Variants in CTDP1 observed in about 807,000 individuals in gnomAD.
CTDP1 encodes the protein CTD phosphatase 1.
In CTDP1, 47 loss-of-function variants were observed where a neutral mutation model predicts 91.8. The observed-to-expected ratio is 0.51, with a 90% CI of 0.41 to 0.65. CTDP1 has a LOEUF of 0.65. CTDP1 is among the 30% of genes least tolerant of loss of function. The probability of loss-of-function intolerance (pLI) is 0.00; values close to 1 mark genes in which losing one functional copy is unlikely to be tolerated. For synonymous variants in CTDP1, 656 were observed against 598.5 expected (o/e 1.10, Z -1.40); for missense variants, 1,272 against 1,373.7 (o/e 0.93, Z 1.17).
At position 79,714,770 on chromosome 18, in the gene CTDP1, C is replaced by T. The variant is rs767442391; in HGVS notation, c.1310C>T (p.Pro437Leu). 2.1e-5 allele frequency: 33 copies of T among 1,602,166 alleles called. No homozygotes were observed. Among genetic ancestry groups the T allele is most frequent in the African/African-American group, 5.3e-5 (4 of 74,872 alleles). Residue 437 changes from proline (P) to leucine (L), a missense_variant, in exon 8 of 13, where the codon CCG becomes CTG. Coordinates refer to ENST00000613122, the MANE Select transcript of CTDP1 (RefSeq NM_004715.5). ...TGTGCGCAGGGTGGCCGGGTGGCAC[C>T]GGGACAGCGGCCTGCCCAGGGTGCC... ...GSCAQGGRVAPGQRPAQGATG... is the reference protein window; with the variant it reads ...GSCAQGGRVALGQRPAQGATG...
In CTDP1 at chr18:79,679,896, TCTGAGCGCAGCGCAGGCCC is replaced by T; in HGVS notation, c.-50_-32del. ...TGTGTCGCCGCGGTAGGCGCTGCGC[TCTGAGCGCAGCGCAGGCCC>T]CGTACCGACCGCCCGCCCGCCCTCT... is the stretch of plus-strand genomic sequence containing the variant. On this transcript the variant is annotated 5_prime_UTR_variant, in exon 1 of 13. Coordinates refer to ENST00000613122, the MANE Select transcript of CTDP1 (RefSeq NM_004715.5). 7.6e-7 allele frequency: 1 copy of T among 1,318,456 alleles called. No individual in the cohort carries two copies. The highest frequency in any genetic ancestry group is 1.6e-5 in the African/African-American group (1 of 62,490). 81.7% of individuals were successfully genotyped at this position (1,318,456 alleles called of 1,614,324 possible). A position where few individuals can be genotyped will look rare whatever the true frequency, so the allele number is the denominator to read the frequency against.
intron 3 of CTDP1, 32 bp from the exon 4 acceptor site, chr18:79,697,828 C>T (rs1568181226): frequency 6.2e-7 from 1 of 1,614,026 alleles, no homozygotes; most frequent in African/African-American, 1.3e-5. Context: ...AACATACTGA[C>T]TTTGTCATTT....
At chr18:79,710,621 C>T (rs566979424) in intron 6 of CTDP1, among the ~76,000 whole-genome samples, 185 bp downstream of exon 6, 3 of 151,278 alleles carry the variant, frequency 2.0e-5, no homozygotes, top group African/African-American at 4.9e-5. Context: ...CCAGAGTTCA[C>T]GCCATTCTCC....
chr18:79,720,931 G>A (rs1026194823), intron 10 of CTDP1, among the ~76,000 whole-genome samples: 1 of 152,110 alleles, frequency 6.6e-6, no homozygotes, highest in Non-Finnish European at 1.5e-5. Context: ...CTGCTGAATC[G>A]GCTCACAAAA....
rs543757758 is a variant in CTDP1 at position 79,717,480 on chromosome 18, G to A, written c.2069-55G>A. ...CCCTGGTGGGTGCAGCCGGATGTGG[G>A]CCCTGAGCCTCCAGTGCTGGCCGGA... On this transcript the variant is annotated intron_variant, in intron 8 of 12. Transcript: ENST00000613122. The A allele has an allele frequency of 8.7e-6, 14 of 1,606,696 alleles. No individual in the cohort carries two copies. In the South Asian group the frequency reaches 1.3e-4, roughly 15 times the overall value.
At chr18:79,709,601 G>T (rs919511083) in intron 5 of CTDP1, among the ~76,000 whole-genome samples, 4 of 152,238 alleles carry the variant, frequency 2.6e-5, no homozygotes, top group Non-Finnish European at 5.9e-5. Context: ...GTCATGTGAA[G>T]TGCAAGTGTC....
chr18:79,750,690 T>C (rs1350787196), intron 12 of CTDP1, among the ~76,000 whole-genome samples: 2 of 149,476 alleles, frequency 1.3e-5, no homozygotes, highest in African/African-American at 4.9e-5. Flanking sequence ...TTTTTTTTTT[T>C]TAATGTGGAG....
chr18:79,722,259 C>A (rs2086360082), intron 10 of CTDP1, among the ~76,000 whole-genome samples: 1 of 152,198 alleles, frequency 6.6e-6, no homozygotes, highest in Non-Finnish European at 1.5e-5. Flanking sequence ...AACATGGCAG[C>A]CGATAACTGT....
At chr18:79,682,641 G>A (rs2085399023) in intron 1 of CTDP1, among the ~76,000 whole-genome samples, 1 of 152,188 alleles carries the variant, frequency 6.6e-6, no homozygotes, top group Non-Finnish European at 1.5e-5. Context: ...CTGTTTGCTG[G>A]GTGTGGAGCC....
At chr18:79,725,357 G>A (rs1310898731) in intron 10 of CTDP1, among the ~76,000 whole-genome samples, 1 of 152,098 alleles carries the variant, frequency 6.6e-6, no homozygotes, top group Non-Finnish European at 1.5e-5. Context: ...TCACATATTC[G>A]GGAGAATTCT....
intron 10 of CTDP1, among the ~76,000 whole-genome samples, chr18:79,723,935 T>C (rs1644129242): frequency 6.6e-6 from 1 of 152,188 alleles, no homozygotes; most frequent in African/African-American, 2.4e-5. Flanking sequence ...TTCATGTCCT[T>C]CTCTTGCGGA....
intron 1 of CTDP1, among the ~76,000 whole-genome samples, chr18:79,688,218 CT>C (rs1182464517): frequency 1.3e-4 from 20 of 152,250 alleles, no homozygotes; most frequent in Non-Finnish European, 2.6e-4. Context: ...GCTCCCACCC[CT>C]GTGGCTGCAC....
intron 10 of CTDP1, among the ~76,000 whole-genome samples, chr18:79,725,061 G>A (rs2086418155): frequency 1.3e-5 from 2 of 152,206 alleles, no homozygotes; most frequent in Admixed American, 1.3e-4. Flanking sequence ...ATGATGGTGT[G>A]TGTGGTTTTT....
chr18:79,736,247 G>A (rs971758732), intron 11 of CTDP1, 108 bp from the exon 12 acceptor site: 1 of 1,423,668 alleles, frequency 7.0e-7, no homozygotes, highest in Non-Finnish European at 9.7e-7. Flanking sequence ...GCTACCTCCA[G>A]CCCCCACCCT....
intron 10 of CTDP1, among the ~76,000 whole-genome samples, chr18:79,724,182 G>A (rs1327231968): frequency 6.6e-6 from 1 of 152,182 alleles, no homozygotes; most frequent in Non-Finnish European, 1.5e-5. Flanking sequence ...TCGGATTTGG[G>A]GTCACCGGTT....
chr18:79,717,242 G>A (rs1372940341), intron 8 of CTDP1, among the ~76,000 whole-genome samples: 1 of 150,148 alleles, frequency 6.7e-6, no homozygotes, highest in African/African-American at 2.5e-5. Context: ...TGAGGGCCCT[G>A]AGCCCTGGTG....
chr18:79,677,145 T>C (rs2085265372), upstream of CTDP1: 2 of 152,260 alleles, frequency 1.3e-5, no homozygotes, highest in African/African-American at 2.4e-5. Flanking sequence ...GGAATGCTGA[T>C]ACATATCAAC....
chr18:79,721,126 C>G (rs1352876420), intron 10 of CTDP1, among the ~76,000 whole-genome samples: 1 of 152,182 alleles, frequency 6.6e-6, no homozygotes, highest in South Asian at 2.1e-4. Flanking sequence ...CTTGCTCCTG[C>G]GAAGCCTCCT....
chr18:79,740,322 G>A (rs2086751025), intron 12 of CTDP1, among the ~76,000 whole-genome samples: 1 of 152,226 alleles, frequency 6.6e-6, no homozygotes, highest in African/African-American at 2.4e-5. Context: ...AAAAGGGTGG[G>A]GCGGTGGGGT....
Sources: gnomAD v4.1 joint callset for allele counts (sites outside exome capture counted in the v4.1 genomes callset) on GRCh38, gnomAD v4.1.1 for gene constraint, MANE v1.5 for transcripts, NCBI Gene and HGNC (gene_info 2026-07-23, HGNC 2026-07-21) for gene names.